BACH2: variants seen among roughly 807,000 people sequenced by gnomAD.
The protein encoded by BACH2 is transcription regulator protein BACH2.
BACH2 carries 5 observed loss-of-function variants against 61.8 expected under a neutral mutation model. That is an observed-to-expected ratio of 0.08 (90% CI 0.04 to 0.17). The LOEUF (loss-of-function observed/expected upper bound fraction) is 0.17, where lower values mean the gene tolerates loss of function less well. BACH2 is among the 10% of genes least tolerant of loss of function. The probability of loss-of-function intolerance (pLI) is 1.00; values close to 1 mark genes in which losing one functional copy is unlikely to be tolerated. For synonymous variants in BACH2, 446 were observed against 440.1 expected, an observed-to-expected ratio of 1.01 and a Z score of -0.17; for missense variants, 824 against 1,091.1, an observed-to-expected ratio of 0.76 and a Z score of 3.45.
At chr6:89,949,185 G>A (rs1311246295) in intron 7 of BACH2, among the ~76,000 whole-genome samples, 1 of 152,228 alleles carries the variant, frequency 6.6e-6, no homozygotes, top group Admixed American at 6.5e-5. Flanking sequence ...CATCCAGAGA[G>A]CACAGATGGG....
intron 3 of BACH2, among the ~76,000 whole-genome samples, chr6:90,215,086 G>A (rs754639215): frequency 2.0e-5 from 3 of 152,040 alleles, no homozygotes; most frequent in Non-Finnish European, 4.4e-5. Context: ...CATCTCCTTA[G>A]TGCAGCTTAT....
chr6:90,132,322 T>C (rs775025678), intron 4 of BACH2, among the ~76,000 whole-genome samples: 6 of 152,148 alleles, frequency 3.9e-5, no homozygotes, highest in Non-Finnish European at 5.9e-5. Flanking sequence ...TCATACCCCC[T>C]AAACAGCTTT....
Position 90,065,270 on chromosome 6 carries a change from C to CTTTTTTTTTTTTTTTTTTTTTT in BACH2, c.-13+23669_-13+23690dup, listed in dbSNP as rs71027920. On this transcript the variant is annotated intron_variant, in intron 5 of 8. Transcript: ENST00000257749. Reference sequence around the variant, plus strand: ...GCCACCCCACCCCCTGCCGCCCCCACTTTTTTTTTTTTTTTTTTTTTTTTT... The same window carrying CTTTTTTTTTTTTTTTTTTTTTT: ...GCCACCCCACCCCCTGCCGCCCCCACTTTTTTTTTTTTTTTTTTTTTTTTTTTTTTTTTTTTTTTTTTTTTTT... 1.7e-3 allele frequency among the ~76,000 whole-genome samples: 88 copies of CTTTTTTTTTTTTTTTTTTTTTT among 52,668 alleles called. 10 individuals carry two copies. The highest frequency in any genetic ancestry group is 2.2e-3 in the Non-Finnish European group (65 of 29,580). 34.6% of individuals were successfully genotyped at this position (52,668 alleles called of 152,430 possible). A position where few individuals can be genotyped will look rare whatever the true frequency, so the allele number is the denominator to read the frequency against.
chr6:90,256,955 A>G (rs1443001130), intron 2 of BACH2, among the ~76,000 whole-genome samples: 2 of 152,252 alleles, frequency 1.3e-5, no homozygotes, highest in Non-Finnish European at 2.9e-5. Context: ...GGTTCCACAT[A>G]TAAGTAAGAT....
In BACH2 at chr6:90,177,812, T is replaced by G. The variant is rs78376990; in HGVS notation, c.-162+28757A>C. On this transcript the variant is annotated intron_variant, in intron 4 of 8. Coordinates refer to ENST00000257749, the MANE Select transcript of BACH2 (RefSeq NM_021813.4). Reference sequence around the variant, plus strand: ...CCTTAACAGATCCCATGTCATATCCTCACTCTTAAGGACCTCTAAAGCTGA... The same window carrying G: ...CCTTAACAGATCCCATGTCATATCCGCACTCTTAAGGACCTCTAAAGCTGA... Among the ~76,000 whole-genome samples the G allele has an allele frequency of 8.8e-3, 1,339 of 152,222 alleles. 15 individuals carry two copies. The highest frequency in any genetic ancestry group is 0.03 in the African/African-American group (1,243 of 41,524).
chr6:90,178,459 G>T (rs1768050376), intron 4 of BACH2, among the ~76,000 whole-genome samples: 1 of 152,120 alleles, frequency 6.6e-6, no homozygotes, highest in African/African-American at 2.4e-5. Flanking sequence ...CCATTTCTGG[G>T]GCGTGTCTAC....
intron 5 of BACH2, among the ~76,000 whole-genome samples, chr6:90,019,590 GC>G (rs1281692474): frequency 6.8e-6 from 1 of 147,106 alleles, no homozygotes; most frequent in Non-Finnish European, 1.5e-5. Context: ...ATCACAAAGA[GC>G]GGGATACTGT....
intron 5 of BACH2, among the ~76,000 whole-genome samples, chr6:90,053,924 C>T (rs1369946138): frequency 6.6e-6 from 1 of 152,092 alleles, no homozygotes; most frequent in African/African-American, 2.4e-5. Context: ...TGTTTAGATA[C>T]ACTGCTTCCT....
At chr6:90,170,314 C>A (rs1339289536) in intron 4 of BACH2, among the ~76,000 whole-genome samples, 1 of 152,060 alleles carries the variant, frequency 6.6e-6, no homozygotes, top group Non-Finnish European at 1.5e-5. Context: ...CTTTACCTGC[C>A]CCAGGGTTCC....
chr6:90,086,639 A>G (rs2127806780), intron 5 of BACH2, among the ~76,000 whole-genome samples: 1 of 152,264 alleles, frequency 6.6e-6, no homozygotes, highest in East Asian at 1.9e-4. Flanking sequence ...CAGGAGCCTG[A>G]AGCCATGATT....
intron 5 of BACH2, among the ~76,000 whole-genome samples, chr6:90,056,550 T>C (rs1240114940): frequency 6.6e-6 from 1 of 151,910 alleles, no homozygotes; most frequent in Non-Finnish European, 1.5e-5. Flanking sequence ...ACTGTCAACA[T>C]CAGACAGATC....
intron 5 of BACH2, among the ~76,000 whole-genome samples, chr6:90,044,600 A>G (rs138312104): frequency 6.6e-6 from 1 of 152,332 alleles, no homozygotes; most frequent in East Asian, 1.9e-4. Context: ...ACTGGAAGCA[A>G]GAAAGCATGT....
chr6:90,293,578 G>C lies in BACH2; in HGVS notation c.-446+2902C>G, dbSNP rs144519875. Among the ~76,000 whole-genome samples, 294 of 152,332 alleles carry C rather than the reference G, an allele frequency of 1.9e-3. 2 individuals carry two copies. In the East Asian group the frequency reaches 0.027, roughly 14 times the overall value. On this transcript the variant is annotated intron_variant, in intron 1 of 8. Coordinates refer to ENST00000257749, the MANE Select transcript of BACH2 (RefSeq NM_021813.4). The stretch of plus-strand genomic sequence containing the variant: ...GGCCCAGAAGTGAAGGGCTGGCCTA[G>C]GAGAGATCTGAACATGAACCTGACC...
intron 3 of BACH2, among the ~76,000 whole-genome samples, chr6:90,227,616 C>A (rs1769959659): frequency 6.6e-6 from 1 of 152,160 alleles, no homozygotes; most frequent in Non-Finnish European, 1.5e-5. Flanking sequence ...TGTAGACAGA[C>A]AGAATTAGAA....
At chr6:90,268,307 G>A (rs1771411298) in intron 2 of BACH2, among the ~76,000 whole-genome samples, 1 of 152,080 alleles carries the variant, frequency 6.6e-6, no homozygotes, top group Admixed American at 6.6e-5. Flanking sequence ...TACCCGAACT[G>A]CACTTGCCTT....
intron 3 of BACH2, among the ~76,000 whole-genome samples, chr6:90,227,253 G>T (rs565843377): frequency 6.6e-6 from 1 of 152,288 alleles, no homozygotes; most frequent in South Asian, 2.1e-4. Context: ...ACTACCAGGA[G>T]TCTGCTCCAC....
chr6:89,932,982 T>A, intron 8 of BACH2, 92 bp from the exon 9 acceptor site: 1 of 1,356,612 alleles, frequency 7.4e-7, no homozygotes, highest in East Asian at 2.3e-5. Flanking sequence ...TTGTTTTGCA[T>A]CCTCCATTAT....
intron 3 of BACH2, among the ~76,000 whole-genome samples, chr6:90,226,840 G>A (rs1348926218): frequency 1.3e-5 from 2 of 152,136 alleles, no homozygotes; most frequent in African/African-American, 4.8e-5. Context: ...AACACCATTA[G>A]TATTAAATTT....
chr6:90,106,806 A>ACACAGTTCTCTCTCAGGC (rs1168772406), intron 4 of BACH2, among the ~76,000 whole-genome samples: 2 of 152,242 alleles, frequency 1.3e-5, no homozygotes, highest in African/African-American at 2.4e-5. Flanking sequence ...ATACATCATT[A>ACACAGTTCTCTCTCAGGC]CACAGTTCTC....
Sources: gnomAD v4.1 joint callset for allele counts (sites outside exome capture counted in the v4.1 genomes callset) on GRCh38, gnomAD v4.1.1 for gene constraint, MANE v1.5 for transcripts, NCBI Gene and HGNC (gene_info 2026-07-23, HGNC 2026-07-21) for gene names.